Variants in ZDHHC13 observed in about 807,000 individuals in gnomAD.
The protein encoded by ZDHHC13 is zDHHC palmitoyltransferase 13.
In ZDHHC13, 85 loss-of-function variants were observed where a neutral mutation model predicts 86.0. The observed-to-expected ratio is 0.99, with a 90% CI of 0.83 to 1.18. The LOEUF (loss-of-function observed/expected upper bound fraction) is 1.18, where lower values mean the gene tolerates loss of function less well. Ranked by LOEUF, ZDHHC13 falls within the 50% of genes most tolerant of loss-of-function variation. The pLI, the probability that ZDHHC13 is intolerant of heterozygous loss-of-function variation, is 0.00. For synonymous variants in ZDHHC13, 263 were observed against 246.4 expected, an observed-to-expected ratio of 1.07 and a Z score of -0.63; for missense variants, 711 against 730.2, an observed-to-expected ratio of 0.97 and a Z score of 0.30.
At chr11:19,172,023 T>C (rs1045449797) in intron 15 of ZDHHC13, among the ~76,000 whole-genome samples, 1 of 152,200 alleles carries the variant, frequency 6.6e-6, no homozygotes, top group African/African-American at 2.4e-5. Flanking sequence ...TTGAATCAGT[T>C]ACTTCATCTC....
chr11:19,120,634 A>G (rs112529815), intron 1 of ZDHHC13, among the ~76,000 whole-genome samples: 2 of 152,202 alleles, frequency 1.3e-5, no homozygotes, highest in African/African-American at 2.4e-5. Flanking sequence ...ATTACCACAC[A>G]TGTATTCATA....
At chr11:19,172,357 C>T (rs969045224) in intron 15 of ZDHHC13, among the ~76,000 whole-genome samples, 1 of 152,180 alleles carries the variant, frequency 6.6e-6, no homozygotes, top group Non-Finnish European at 1.5e-5. Flanking sequence ...AGGCGTGAGC[C>T]ACCGTGCCCT....
chr11:19,142,473 T>C (rs1456285147), intron 1 of ZDHHC13, among the ~76,000 whole-genome samples: 1 of 152,126 alleles, frequency 6.6e-6, no homozygotes, highest in Non-Finnish European at 1.5e-5. Context: ...GAAGGAATTA[T>C]ATGAGAACTT....
chr11:19,152,413 G>A, intron 7 of ZDHHC13, 93 bp downstream of exon 7: 1 of 1,480,124 alleles, frequency 6.8e-7, no homozygotes, highest in Non-Finnish European at 9.0e-7. Context: ...ATTGTTTTCA[G>A]TTACCCCAAG....
intron 10 of ZDHHC13, 122 bp downstream of exon 10, chr11:19,159,162 A>C: frequency 1.6e-6 from 1 of 639,470 alleles, no homozygotes; most frequent in Non-Finnish European, 2.6e-6. Context: ...GCATTCATTT[A>C]ATGGTTCTGG....
intron 14 of ZDHHC13, 188 bp from the exon 15 acceptor site, chr11:19,170,223 T>C (rs1302155386): frequency 1.6e-5 from 22 of 1,402,936 alleles, no homozygotes; most frequent in Non-Finnish European, 2.0e-5. Context: ...TCAATTAACA[T>C]TGAGCCACCA....
chr11:19,149,877 T>C lies in ZDHHC13; in HGVS notation c.519+546T>C, dbSNP rs1425034242. Among the ~76,000 whole-genome samples the C allele has an allele frequency of 8.5e-5, 13 of 152,368 alleles. No homozygotes were observed. The South Asian group carries it at 2.3e-3, about 27-fold the overall frequency. ...TCTGGTAGCAAAGTAGTTTATGTATTAGCAGACTTGCCTGTAAAAGGCATG... is the reference window on the plus strand; with the variant it reads ...TCTGGTAGCAAAGTAGTTTATGTATCAGCAGACTTGCCTGTAAAAGGCATG... On this transcript the variant is annotated intron_variant, in intron 5 of 16. Coordinates refer to ENST00000446113, the MANE Select transcript of ZDHHC13 (RefSeq NM_019028.3).
At position 19,166,344 on chromosome 11, in the gene ZDHHC13, T is replaced by A. The variant is rs548484925; in HGVS notation, c.1433T>A (p.Leu478His). 8 of 1,612,598 alleles carry A rather than the reference T, an allele frequency of 5.0e-6. No individual in the cohort carries two copies. The South Asian group carries it at 7.7e-5, about 16-fold the overall frequency. Reference protein sequence around the residue: ...HHYYIFFLFFLSMVCGWIIYG... With the variant: ...HHYYIFFLFFHSMVCGWIIYG... ...TATTACATATTCTTCTTGTTTTTCC[T>A]TTCCATGGTATGTGGCTGGATTATA... The change falls in exon 14 of 17, where the codon CTT becomes CAT. Residue 478 changes from leucine to histidine, a missense_variant. Coordinates refer to ENST00000446113, the MANE Select transcript of ZDHHC13 (RefSeq NM_019028.3).
chr11:19,146,939 CCTCTT>C (rs1330614120), intron 3 of ZDHHC13, among the ~76,000 whole-genome samples: 1 of 152,092 alleles, frequency 6.6e-6, no homozygotes, highest in Non-Finnish European at 1.5e-5. Context: ...CAGGCAAACT[CCTCTT>C]CTGTGGAAAT....
At chr11:19,144,954 C>G (rs945652733) in intron 2 of ZDHHC13, among the ~76,000 whole-genome samples, 1 of 151,944 alleles carries the variant, frequency 6.6e-6, no homozygotes, top group Admixed American at 6.6e-5. Flanking sequence ...ATTAAAAATA[C>G]AAAAATTAGC....
In ZDHHC13 at chr11:19,147,511, A is replaced by G. The variant is rs527881446; in HGVS notation, c.297-85A>G. ...TCATAATTTGTTCTCCAACATATTT[A>G]TTACTATGAAAAAATTAGTATTTTC... On this transcript the variant is annotated intron_variant, in intron 3 of 16. Transcript: ENST00000446113. 6.8e-6 allele frequency: 8 copies of G among 1,172,956 alleles called. No individual in the cohort carries two copies. The African/African-American group carries it at 1.2e-4, about 18-fold the overall frequency. 72.7% of individuals were successfully genotyped at this position (1,172,956 alleles called of 1,614,324 possible).
intron 1 of ZDHHC13, among the ~76,000 whole-genome samples, chr11:19,142,158 T>C (rs557868323): frequency 6.6e-6 from 1 of 152,198 alleles, no homozygotes; most frequent in East Asian, 1.9e-4. Context: ...CTCTTTCTAG[T>C]TCATTTGGTT....
intron 7 of ZDHHC13, 95 bp from the exon 8 acceptor site, chr11:19,152,464 G>T: frequency 6.9e-7 from 1 of 1,451,958 alleles, no homozygotes; most frequent in South Asian, 1.5e-5. Context: ...TTGGAATAAT[G>T]TGTTGAGTCT....
In ZDHHC13 at chr11:19,169,087, T is replaced by C. The variant is rs987827900; in HGVS notation, c.1475-1324T>C. 40 of 985,342 alleles carry C rather than the reference T, an allele frequency of 4.1e-5. No individual in the cohort carries two copies. In the African/African-American group the frequency reaches 5.8e-4, roughly 14 times the overall value. 61.0% of individuals were successfully genotyped at this position (985,342 alleles called of 1,614,324 possible). On this transcript the variant is annotated intron_variant, in intron 14 of 16. Coordinates refer to ENST00000446113, the MANE Select transcript of ZDHHC13 (RefSeq NM_019028.3). Reference sequence around the variant, plus strand: ...TTGCTGTTGTATCTTTGATATTAAATCTGAAAACCAGTATTCTGAAAACTT... The same window carrying C: ...TTGCTGTTGTATCTTTGATATTAAACCTGAAAACCAGTATTCTGAAAACTT...
At chr11:19,144,609 CTT>C (rs1287484826) in intron 2 of ZDHHC13, among the ~76,000 whole-genome samples, 1 of 152,020 alleles carries the variant, frequency 6.6e-6, no homozygotes, top group Non-Finnish European at 1.5e-5. Flanking sequence ...AAAATTTACT[CTT>C]TTAAAAATGC....
chr11:19,150,012 T>C (rs766811052), intron 5 of ZDHHC13, among the ~76,000 whole-genome samples: 5 of 152,210 alleles, frequency 3.3e-5, no homozygotes, highest in Non-Finnish European at 7.4e-5. Context: ...GGTTTCATTG[T>C]TGGAAAAATA....
intron 2 of ZDHHC13, among the ~76,000 whole-genome samples, chr11:19,145,419 C>G (rs1352358959): frequency 2.6e-5 from 4 of 152,176 alleles, no homozygotes; most frequent in Admixed American, 1.3e-4. Flanking sequence ...TCTTAAAACT[C>G]AAAGTCTGAG....
At chr11:19,123,973 T>C (rs149522221) in intron 1 of ZDHHC13, among the ~76,000 whole-genome samples, 24 of 151,844 alleles carry the variant, frequency 1.6e-4, no homozygotes, top group African/African-American at 5.8e-4. Flanking sequence ...TTGGGGAGAG[T>C]ATTTGGTCAG....
chr11:19,156,062 G>C, intron 9 of ZDHHC13, 133 bp downstream of exon 9: 1 of 1,148,134 alleles, frequency 8.7e-7, no homozygotes, highest in Non-Finnish European at 1.2e-6. Flanking sequence ...GCATCCTGCG[G>C]GTGGATGGGA....
Sources: allele counts gnomAD v4.1 joint callset (sites outside exome capture counted in the v4.1 genomes callset), GRCh38; gene constraint gnomAD v4.1.1; transcripts MANE v1.5; gene names NCBI Gene and HGNC (gene_info 2026-07-23, HGNC 2026-07-21).